MTSS2: variants seen among roughly 807,000 people sequenced by gnomAD.
MTSS2 encodes the protein MTSS I-BAR domain containing 2.
A neutral mutation model predicts 67.1 loss-of-function variants in MTSS2; 27 were observed. The observed-to-expected ratio is 0.40, with a 90% CI of 0.30 to 0.55. MTSS2 has a LOEUF of 0.55. Among genes scored for constraint, MTSS2 ranks in the 20% least tolerant of loss-of-function variants. The pLI, the probability that MTSS2 is intolerant of heterozygous loss-of-function variation, is 0.43. For missense variants in MTSS2, 1,171 were observed against 1,067.8 expected, an observed-to-expected ratio of 1.10 and a Z score of -1.35; for synonymous variants, 624 against 468.6, an observed-to-expected ratio of 1.33 and a Z score of -4.28.
intron 1 of MTSS2, 65 bp downstream of exon 1, chr16:70,685,658 G>T: frequency 9.8e-7 from 1 of 1,020,426 alleles, no homozygotes; most frequent in Non-Finnish European, 1.2e-6. Context: ...GCCACCCGCC[G>T]CCACGCGTCC....
chr16:70,676,209 C>G lies in MTSS2; in HGVS notation c.830+672G>C, dbSNP rs557140016. ...CCAAGGAAGCTTGAACCATCAATGT[C>G]TCCTCCAAACCCAGCCCCAGTGCCC... On this transcript the variant is annotated intron_variant, in intron 10 of 14. Coordinates refer to ENST00000338779, the MANE Select transcript of MTSS2 (RefSeq NM_138383.3). Among the ~76,000 whole-genome samples the G allele has an allele frequency of 7.9e-5, 12 of 152,372 alleles. No homozygotes were observed. In the South Asian group the frequency reaches 2.3e-3, roughly 29 times the overall value.
intron 7 of MTSS2, 118 bp from the exon 8 acceptor site, chr16:70,678,527 G>A: frequency 8.0e-7 from 1 of 1,250,012 alleles, no homozygotes; most frequent in Non-Finnish European, 1.1e-6. Flanking sequence ...TGTTGCCCTG[G>A]GGCCAGGGGA....
At chr16:70,685,284 C>CGCTTTATT in intron 1 of MTSS2, among the ~76,000 whole-genome samples, 1 of 152,208 alleles carries the variant, frequency 6.6e-6, no homozygotes, top group East Asian at 1.9e-4. Context: ...AACGGTTCTC[C>CGCTTTATT]GCTTTATTAT....
rs542285661 is a variant in MTSS2 at position 70,682,491 on chromosome 16, C to G, written c.70-1466G>C. Among the ~76,000 whole-genome samples, 17 of 152,206 alleles carry G rather than the reference C, an allele frequency of 1.1e-4. No homozygotes were observed. The East Asian group carries it at 3.3e-3, about 29-fold the overall frequency. On this transcript the variant is annotated intron_variant, in intron 1 of 14. Coordinates refer to ENST00000338779, the MANE Select transcript of MTSS2 (RefSeq NM_138383.3). The stretch of plus-strand genomic sequence containing the variant: ...GGGGGTCCAGAGCCAGCTGCCCTGG[C>G]ACCCAGGAACCTTCTTAGCCCCTGA...
Position 70,680,051 on chromosome 16 carries a change from G to C in MTSS2, c.210C>G (p.Ala70=). ...VADMATNTRG[A]TRDIGSALTR... is the part of the protein sequence containing the mutation. ...TGAGCGCCGAGCCGATGTCCCTCGT[G>C]GCCCCTGGCGAGGCAAGCGCGGGGT... Residue 70 remains alanine, a synonymous_variant, in exon 4 of 15, where the codon GCC becomes GCG. Coordinates refer to ENST00000338779, the MANE Select transcript of MTSS2 (RefSeq NM_138383.3). 6.6e-7 allele frequency: 1 copy of C among 1,522,348 alleles called. No individual in the cohort carries two copies. Among genetic ancestry groups the C allele is most frequent in the African/African-American group, 1.4e-5 (1 of 69,906 alleles). 94.3% of individuals were successfully genotyped at this position (1,522,348 alleles called of 1,614,324 possible). A position where few individuals can be genotyped will look rare whatever the true frequency, so the allele number is the denominator to read the frequency against.
In MTSS2 at chr16:70,665,543, G is replaced by T; in HGVS notation, c.1054-3C>A. On this transcript the variant is annotated splice_region_variant and splice_polypyrimidine_tract_variant and intron_variant, in intron 11 of 14. Transcript: ENST00000338779. ...GAAGATGCAGAGCTGGAGGACTTCTGCCATGCAGAGGCCAGCAGGCGGTTG... is the reference window on the plus strand; with the variant it reads ...GAAGATGCAGAGCTGGAGGACTTCTTCCATGCAGAGGCCAGCAGGCGGTTG... 6.5e-7 allele frequency: 1 copy of T among 1,547,294 alleles called. No homozygotes were observed.
chr16:70,667,064 C>T, intron 11 of MTSS2, among the ~76,000 whole-genome samples: 1 of 151,884 alleles, frequency 6.6e-6, no homozygotes, highest in East Asian at 1.9e-4. Flanking sequence ...TCACTTGAGC[C>T]CAGGAGTTCA....
At position 70,679,844 on chromosome 16, in the gene MTSS2, C is replaced by T. The variant is rs1469834376; in HGVS notation, c.324G>A (p.Gln108=). The change falls in exon 5 of 15, where the codon CAG becomes CAA. Residue 108 remains glutamine, a synonymous_variant. Coordinates refer to ENST00000338779, the MANE Select transcript of MTSS2 (RefSeq NM_138383.3). The part of the protein sequence containing the change: ...ALLESLINPL[Q]ERIEDWKKAA... Reference sequence around the variant, plus strand: ...CCTTCTTCCAGTCCTCGATGCGCTCCTGCAGCGGGTTGATGAGGCTCTCCA... The same window carrying T: ...CCTTCTTCCAGTCCTCGATGCGCTCTTGCAGCGGGTTGATGAGGCTCTCCA... The T allele has an allele frequency of 6.2e-7, 1 of 1,605,390 alleles. No individual in the cohort carries two copies. Among genetic ancestry groups the T allele is most frequent in the Admixed American group, 1.7e-5 (1 of 59,964 alleles).
At position 70,675,044 on chromosome 16, in the gene MTSS2, C is replaced by T. The variant is rs192907406; in HGVS notation, c.831-516G>A. Among the ~76,000 whole-genome samples the T allele has an allele frequency of 6.6e-4, 100 of 151,280 alleles. No homozygotes were observed. The Middle Eastern group carries it at 0.037, about 57-fold the overall frequency. On this transcript the variant is annotated intron_variant, in intron 10 of 14. Coordinates refer to ENST00000338779, the MANE Select transcript of MTSS2 (RefSeq NM_138383.3). ...ACGAGAATCACTTGAACCTGGGAGGCGGAGGTTGCAGTGAGCCAAGATTAT... is the reference window on the plus strand; with the variant it reads ...ACGAGAATCACTTGAACCTGGGAGGTGGAGGTTGCAGTGAGCCAAGATTAT...
intron 7 of MTSS2, among the ~76,000 whole-genome samples, chr16:70,678,769 T>C (rs370736394): frequency 2.0e-5 from 3 of 152,094 alleles, no homozygotes; most frequent in African/African-American, 7.2e-5. Context: ...CCTCACAAGG[T>C]CCAGGGAGGT....
intron 9 of MTSS2, 131 bp downstream of exon 9, chr16:70,677,661 G>A: frequency 2.9e-6 from 2 of 681,190 alleles, no homozygotes; most frequent in South Asian, 1.9e-5. Context: ...GGTGTCAGAA[G>A]GGGTCTGGTC....
intron 11 of MTSS2, among the ~76,000 whole-genome samples, chr16:70,673,224 G>A (rs1203124253): frequency 6.6e-6 from 1 of 151,832 alleles, no homozygotes; most frequent in Non-Finnish European, 1.5e-5. Flanking sequence ...ACAAATGAAA[G>A]ACATGAATAC....
chr16:70,679,530 C>A, intron 6 of MTSS2, 100 bp downstream of exon 6: 1 of 1,354,312 alleles, frequency 7.4e-7, no homozygotes, highest in African/African-American at 1.5e-5. Flanking sequence ...GGGGACAGCG[C>A]CCCTCTGGCT....
intron 11 of MTSS2, among the ~76,000 whole-genome samples, chr16:70,666,694 G>A (rs2052726494): frequency 6.6e-6 from 1 of 152,208 alleles, no homozygotes; most frequent in African/African-American, 2.4e-5. Context: ...AATAACAAAT[G>A]CAGACTTTTG....
chr16:70,674,342 C>A lies in MTSS2; in HGVS notation c.1017G>T (p.Lys339Asn). 6.2e-7 allele frequency: 1 copy of A among 1,613,984 alleles called. No individual in the cohort carries two copies. The highest frequency in any genetic ancestry group is 8.5e-7 in the Non-Finnish European group (1 of 1,179,990). ...GFVSQDATYS[K>N]PPSPMPSDIT... ...TGTCTGAAGGCATAGGCGAGGGGGG[C>A]TTGGAGTAGGTGGCGTCCTGGGAGA... The change falls in exon 11 of 15, where the codon AAG (lysine) becomes AAT (asparagine). Residue 339 changes from lysine (K) to asparagine (N), a missense_variant. Physicochemically the swap from Lys to Asn is moderately conservative, Grantham distance 94. Around this residue, in one of 2 missense-constraint regions of MTSS2, gnomAD observed 924 missense variants for 756.0 expected, o/e 1.22. Coordinates refer to ENST00000338779, the MANE Select transcript of MTSS2 (RefSeq NM_138383.3).
intron 8 of MTSS2, 61 bp from the exon 9 acceptor site, chr16:70,677,960 C>T (rs893484685): frequency 1.4e-5 from 19 of 1,366,752 alleles, no homozygotes; most frequent in Non-Finnish European, 1.8e-5. Flanking sequence ...CTGCCCAGCG[C>T]CCCTGGAGAA....
At chr16:70,672,945 G>A (rs2052992544) in intron 11 of MTSS2, among the ~76,000 whole-genome samples, 1 of 152,120 alleles carries the variant, frequency 6.6e-6, no homozygotes, top group African/African-American at 2.4e-5. Flanking sequence ...CAGATCCCTT[G>A]AGCCCAGGAG....
At chr16:70,679,933 T>TGCCCCCCCCC in intron 4 of MTSS2, 38 bp downstream of exon 4, 1 of 1,149,454 alleles carries the variant, frequency 8.7e-7, no homozygotes, top group Non-Finnish European at 1.2e-6. Context: ...CGACGCCCCG[T>TGCCCCCCCCC]CCCCCCGCCC....
intron 6 of MTSS2, 79 bp downstream of exon 6, chr16:70,679,551 C>T: frequency 1.4e-6 from 2 of 1,459,534 alleles, no homozygotes; most frequent in Non-Finnish European, 1.8e-6. Context: ...GGGATGAAGG[C>T]TTTGGGGCGC....
Sources: allele counts gnomAD v4.1 joint callset (sites outside exome capture counted in the v4.1 genomes callset), GRCh38; gene constraint gnomAD v4.1.1; regional missense constraint gnomAD v4.1.1; transcripts MANE v1.5; gene names NCBI Gene and HGNC (gene_info 2026-07-23, HGNC 2026-07-21).